Variants in EXOC4 observed in about 807,000 individuals in gnomAD.
EXOC4 encodes SEC8-like 1.
In EXOC4, 71 loss-of-function variants were observed where a neutral mutation model predicts 107.2. The observed-to-expected ratio is 0.66, with a 90% CI of 0.55 to 0.81. The LOEUF (loss-of-function observed/expected upper bound fraction) is 0.81, where lower values mean the gene tolerates loss of function less well. Among genes scored for constraint, EXOC4 ranks in the 30% least tolerant of loss-of-function variants. The probability of loss-of-function intolerance (pLI) is 0.00; values close to 1 mark genes in which losing one functional copy is unlikely to be tolerated. For missense variants in EXOC4, 1,108 were observed against 1,189.6 expected, an observed-to-expected ratio of 0.93 and a Z score of 1.01; for synonymous variants, 456 against 441.2, an observed-to-expected ratio of 1.03 and a Z score of -0.42.
At chr7:133,490,997 C>T (rs1400888355) in intron 9 of EXOC4, among the ~76,000 whole-genome samples, 1 of 152,134 alleles carries the variant, frequency 6.6e-6, no homozygotes, top group African/African-American at 2.4e-5. Context: ...AAGTACCTTG[C>T]GTTAAAAATA....
chr7:133,955,356 C>G (rs917252644), intron 14 of EXOC4, among the ~76,000 whole-genome samples: 1 of 152,170 alleles, frequency 6.6e-6, no homozygotes, highest in East Asian at 1.9e-4. Context: ...GGTAGCTCCT[C>G]TCTGCAGCTG....
At chr7:134,069,205 GTTCTTC>G (rs201983674), downstream of EXOC4, among the ~76,000 whole-genome samples, 11 of 71,604 alleles carry the variant, frequency 1.5e-4, no homozygotes, top group Non-Finnish European at 2.4e-4. Context: ...CCCTTTACCA[GTTCTTC>G]TTCTTCTTCT....
intron 11 of EXOC4, among the ~76,000 whole-genome samples, chr7:133,863,060 C>T (rs554617280): frequency 6.6e-6 from 1 of 152,004 alleles, no homozygotes; most frequent in African/African-American, 2.4e-5. Flanking sequence ...GTTATAATAT[C>T]TTTGGGTAAT....
chr7:134,016,183 C>T (rs1256304724), intron 17 of EXOC4, among the ~76,000 whole-genome samples: 1 of 152,038 alleles, frequency 6.6e-6, no homozygotes, highest in African/African-American at 2.4e-5. Context: ...GTGGGACTTC[C>T]AAGTGGAGAC....
chr7:134,007,469 A>G (rs1480861488), intron 16 of EXOC4, among the ~76,000 whole-genome samples: 2 of 152,194 alleles, frequency 1.3e-5, no homozygotes, highest in African/African-American at 4.8e-5. Flanking sequence ...ACCAACATGA[A>G]GTCCACTCAT....
intron 13 of EXOC4, among the ~76,000 whole-genome samples, chr7:133,932,721 C>T (rs540000092): frequency 6.6e-6 from 1 of 152,266 alleles, no homozygotes; most frequent in East Asian, 1.9e-4. Context: ...TATGTTGCGG[C>T]CTTGTAACCA....
intron 14 of EXOC4, among the ~76,000 whole-genome samples, chr7:133,952,229 AC>A (rs1187317618): frequency 6.6e-6 from 1 of 152,216 alleles, no homozygotes; most frequent in African/African-American, 2.4e-5. Flanking sequence ...AAAATGGCAG[AC>A]CAGCTAATTT....
At chr7:133,888,420 C>A (rs1005736185) in intron 11 of EXOC4, among the ~76,000 whole-genome samples, 1 of 152,036 alleles carries the variant, frequency 6.6e-6, no homozygotes, top group African/African-American at 2.4e-5. Flanking sequence ...AGTTATTGAC[C>A]GAAGGATTCC....
intron 9 of EXOC4, among the ~76,000 whole-genome samples, chr7:133,587,537 C>T (rs1585015667): frequency 6.6e-6 from 1 of 152,178 alleles, no homozygotes. Context: ...CAATTTTATT[C>T]ACATCATTTG....
chr7:133,514,528 C>T (rs1412444168), intron 9 of EXOC4, among the ~76,000 whole-genome samples: 3 of 152,098 alleles, frequency 2.0e-5, no homozygotes, highest in Admixed American at 1.3e-4. Context: ...TAAATCCACT[C>T]CTGGAATGAA....
At chr7:133,430,174 A>G (rs775758369) in intron 7 of EXOC4, among the ~76,000 whole-genome samples, 1 of 152,154 alleles carries the variant, frequency 6.6e-6, no homozygotes, top group Non-Finnish European at 1.5e-5. Flanking sequence ...TGGAGTGGAA[A>G]GAGGATCTTC....
intron 9 of EXOC4, among the ~76,000 whole-genome samples, chr7:133,617,854 G>A (rs562155084): frequency 2.6e-5 from 4 of 152,294 alleles, no homozygotes; most frequent in African/African-American, 7.2e-5. Flanking sequence ...TTCAAAATGA[G>A]TTCCAGGTTG....
chr7:134,094,069 A>G, the EXOC4 span, among the ~76,000 whole-genome samples: 16 of 152,144 alleles, frequency 1.1e-4, no homozygotes, highest in Non-Finnish European at 2.1e-4. Context: ...AAATAACTAA[A>G]ATCAGAGCAT....
chr7:133,374,907 C>T lies in EXOC4; in HGVS notation c.1087C>T (p.Leu363=), dbSNP rs1796453252. 6.2e-7 allele frequency: 1 copy of T among 1,613,614 alleles called. No homozygotes were observed. The highest frequency in any genetic ancestry group is 8.5e-7 in the Non-Finnish European group (1 of 1,179,688). The change falls in exon 7 of 18, where the codon CTG becomes TTG. Residue 363 remains leucine, a synonymous_variant. Coordinates refer to ENST00000253861, the MANE Select transcript of EXOC4 (RefSeq NM_021807.4). The part of the protein sequence containing the change: ...AAAHSVVLGY[L]QDTVVTPLTQ... Reference sequence around the variant, plus strand: ...TGCACACTCTGTGGTCCTGGGATACCTGCAGGACACTGTAGTGACTCCACT... The same window carrying T: ...TGCACACTCTGTGGTCCTGGGATACTTGCAGGACACTGTAGTGACTCCACT...
chr7:133,346,346 C>T (rs906093887), intron 5 of EXOC4, among the ~76,000 whole-genome samples: 3 of 152,264 alleles, frequency 2.0e-5, no homozygotes, highest in Admixed American at 6.5e-5. Flanking sequence ...CTCCATCCAG[C>T]GCTCATTGGA....
At chr7:133,418,063 T>C (rs1584901036) in intron 7 of EXOC4, among the ~76,000 whole-genome samples, 1 of 152,214 alleles carries the variant, frequency 6.6e-6, no homozygotes, top group East Asian at 1.9e-4. Flanking sequence ...ACATAGCAGA[T>C]TTATTAGTTT....
chr7:133,650,751 A>G lies in EXOC4; in HGVS notation c.1514+20610A>G, dbSNP rs189184810. Among the ~76,000 whole-genome samples the G allele has an allele frequency of 3.7e-3, 559 of 152,228 alleles. 6 individuals are homozygous for G. Among genetic ancestry groups the G allele is most frequent in the Admixed American group, 6.5e-3 (100 of 15,290 alleles). ...GTCTCATCATAAGATGTAATCAGCA[A>G]CCTACCCTGCTGGATATTCACTGTT... On this transcript the variant is annotated intron_variant, in intron 10 of 17. Transcript: ENST00000253861.
chr7:133,937,053 A>G (rs1299655558), intron 13 of EXOC4, among the ~76,000 whole-genome samples: 1 of 152,188 alleles, frequency 6.6e-6, no homozygotes, highest in Non-Finnish European at 1.5e-5. Context: ...TTTGCCACTC[A>G]TGTGTCATGT....
chr7:133,655,465 C>T (rs1046031217), intron 10 of EXOC4, among the ~76,000 whole-genome samples: 7 of 152,146 alleles, frequency 4.6e-5, no homozygotes, highest in Non-Finnish European at 1.5e-5. Flanking sequence ...TTCATAATGA[C>T]ATTTAGCTTA....
Sources: gnomAD v4.1 joint callset for allele counts (sites outside exome capture counted in the v4.1 genomes callset) on GRCh38, gnomAD v4.1.1 for gene constraint, MANE v1.5 for transcripts, NCBI Gene and HGNC (gene_info 2026-07-23, HGNC 2026-07-21) for gene names.